NELFA: variants seen among roughly 807,000 people sequenced by gnomAD.
The protein encoded by NELFA is negative elongation factor A.
Under a neutral mutation model 51.8 loss-of-function variants are expected in NELFA, and 35 were observed. The ratio of observed to expected loss-of-function variants is 0.68; its 90% CI spans 0.52 to 0.90. The LOEUF (loss-of-function observed/expected upper bound fraction) is 0.90, where lower values mean the gene tolerates loss of function less well. NELFA is among the 40% of genes least tolerant of loss of function. NELFA has a pLI of 0.00. For missense variants in NELFA, 658 were observed against 746.4 expected (o/e 0.88, Z 1.38); for synonymous variants, 417 against 338.4 (o/e 1.23, Z -2.55).
chr4:1,994,680 C>T (rs1728374351), intron 1 of NELFA, among the ~76,000 whole-genome samples: 1 of 151,658 alleles, frequency 6.6e-6, no homozygotes, highest in African/African-American at 2.4e-5. Flanking sequence ...ACAGTGAAAC[C>T]CTGCCTCTAC....
At chr4:1,999,410 G>C (rs1438345013) in intron 1 of NELFA, among the ~76,000 whole-genome samples, 1 of 151,900 alleles carries the variant, frequency 6.6e-6, no homozygotes, top group African/African-American at 2.4e-5. Context: ...CATCTTACAC[G>C]CAAAGACACA....
chr4:1,989,959 C>T lies in NELFA; in HGVS notation c.383-90G>A. Reference sequence around the variant, plus strand: ...TGGCGGCTGCCCAGCCCCACACCCTCCTCAGTTAGGGTTAGGTCATGGGAG... The same window carrying T: ...TGGCGGCTGCCCAGCCCCACACCCTTCTCAGTTAGGGTTAGGTCATGGGAG... On this transcript the variant is annotated intron_variant, in intron 2 of 10. Transcript: ENST00000382882. The surrounding 1 kb of genome is among the most constrained non-coding windows in gnomAD (Gnocchi z 4.8). 1 of 1,486,296 alleles carries T rather than the reference C, an allele frequency of 6.7e-7. No homozygotes were observed. 92.1% of individuals were successfully genotyped at this position (1,486,296 alleles called of 1,614,324 possible).
rs1728667605 is a variant in NELFA at position 2,004,844 on chromosome 4, C to T, written c.210+3906G>A. Among the ~76,000 whole-genome samples, 6 of 137,514 alleles carry T rather than the reference C, an allele frequency of 4.4e-5. No individual in the cohort carries two copies. In the South Asian group the frequency reaches 1.4e-3, roughly 32 times the overall value. The allele number at this position is 137,514 out of a possible 152,430, so 90.2% of individuals were successfully genotyped here. On this transcript the variant is annotated intron_variant, in intron 1 of 10. Transcript: ENST00000382882. ...TTTTTTGGAGACAGAGTCTTGCTGT[C>T]GCCCAGGCTGGAGTGCAGTGGCGCG...
At chr4:1,987,642 C>T (rs1181771501) in intron 4 of NELFA, 6 of 454,464 alleles carry the variant, frequency 1.3e-5, no homozygotes, top group African/African-American at 6.9e-5. Flanking sequence ...CCATGCCCAG[C>T]GGTGTCCTCA....
chr4:1,993,586 A>AAG (rs1728340917), intron 1 of NELFA, among the ~76,000 whole-genome samples: 1 of 151,762 alleles, frequency 6.6e-6, no homozygotes. Context: ...CTCAAAAAAA[A>AAG]AAAAGAAAGA....
intron 1 of NELFA, among the ~76,000 whole-genome samples, chr4:2,002,874 T>C (rs1467315102): frequency 1.3e-5 from 2 of 152,052 alleles, no homozygotes; most frequent in East Asian, 3.9e-4. Flanking sequence ...AAAGCCAAAA[T>C]TGACAAATGG....
Position 2,008,743 on chromosome 4 carries a change from G to T in NELFA, c.210+7C>A. 6.2e-7 allele frequency: 1 copy of T among 1,603,272 alleles called. No homozygotes were observed. ...CTGGGGGCCGCGGGGCGCCACGCCTGCCTTACCTCGTCCACCGTGCGGCGC... is the reference window on the plus strand; with the variant it reads ...CTGGGGGCCGCGGGGCGCCACGCCTTCCTTACCTCGTCCACCGTGCGGCGC... On this transcript the variant is annotated splice_region_variant and intron_variant, in intron 1 of 10. Transcript: ENST00000382882.
At position 1,997,254 on chromosome 4, in the gene NELFA, C is replaced by G. The variant is rs570024942; in HGVS notation, c.211-5539G>C. On this transcript the variant is annotated intron_variant, in intron 1 of 10. Coordinates refer to ENST00000382882, the MANE Select transcript of NELFA (RefSeq NM_005663.5). ...AGAAATCACTCCATTAGTAAACAAACTTTCCAAAGAAAAAGAAAAGACCAG... is the reference window on the plus strand; with the variant it reads ...AGAAATCACTCCATTAGTAAACAAAGTTTCCAAAGAAAAAGAAAAGACCAG... 3.2e-4 allele frequency among the ~76,000 whole-genome samples: 49 copies of G among 152,284 alleles called. No individual in the cohort carries two copies. In the East Asian group the frequency reaches 5.0e-3, roughly 16 times the overall value.
intron 1 of NELFA, among the ~76,000 whole-genome samples, chr4:2,002,235 CACAA>C (rs1008669607): frequency 8.6e-5 from 13 of 152,020 alleles, no homozygotes; most frequent in African/African-American, 2.9e-4. Context: ...TAAGAGAGTA[CACAA>C]ACAAATGGAA....
chr4:2,001,893 ACT>A (rs1728575827), intron 1 of NELFA, among the ~76,000 whole-genome samples: 2 of 145,518 alleles, frequency 1.4e-5, no homozygotes, highest in South Asian at 4.4e-4. Context: ...ACAGAGCGAG[ACT>A]CTGTCTCAAA....
At chr4:2,007,197 AC>A in intron 1 of NELFA, 1 of 378,446 alleles carries the variant, frequency 2.6e-6, no homozygotes, top group Non-Finnish European at 5.5e-6. Context: ...ACAGCGCCAG[AC>A]CCTGTCTCAA....
chr4:2,008,361 C>T (rs1240684976), intron 1 of NELFA, among the ~76,000 whole-genome samples: 2 of 150,336 alleles, frequency 1.3e-5, no homozygotes, highest in African/African-American at 4.9e-5. Flanking sequence ...AGCGAGAACC[C>T]GGGGCCCGGC....
At chr4:2,002,069 G>A (rs540035972) in intron 1 of NELFA, among the ~76,000 whole-genome samples, 29 of 147,330 alleles carry the variant, frequency 2.0e-4, no homozygotes, top group South Asian at 4.4e-4. Flanking sequence ...GCATGGTGGC[G>A]GGCGCCTGTA....
rs139130172 is a variant in NELFA, at chr4:1,988,825, C to T, written c.545-818G>A. Reference sequence around the variant, plus strand: ...AAGGCAGCAACGTGAGAGTAAGGAACGTGCCCCTCCAGCCATTCACCCTGG... The same window carrying T: ...AAGGCAGCAACGTGAGAGTAAGGAATGTGCCCCTCCAGCCATTCACCCTGG... On this transcript the variant is annotated intron_variant, in intron 3 of 10. Coordinates refer to ENST00000382882, the MANE Select transcript of NELFA (RefSeq NM_005663.5). Among the ~76,000 whole-genome samples the T allele has an allele frequency of 9.5e-3, 1,452 of 152,310 alleles. 41 individuals are homozygous for T. Among genetic ancestry groups the T allele is most frequent in the Admixed American group, 0.047 (713 of 15,304 alleles).
At chr4:1,995,431 C>A (rs1183676245) in intron 1 of NELFA, among the ~76,000 whole-genome samples, 2 of 152,106 alleles carry the variant, frequency 1.3e-5, no homozygotes, top group African/African-American at 4.8e-5. Flanking sequence ...CCCTAAGATA[C>A]CAGACCCCTA....
At chr4:2,006,015 G>A (rs1370442405) in intron 1 of NELFA, among the ~76,000 whole-genome samples, 4 of 152,216 alleles carry the variant, frequency 2.6e-5, no homozygotes, top group South Asian at 2.1e-4. Flanking sequence ...ATGTGGAAGT[G>A]TGAAGGGACA....
intron 1 of NELFA, among the ~76,000 whole-genome samples, chr4:1,995,544 A>C (rs1362181081): frequency 6.6e-6 from 1 of 152,268 alleles, no homozygotes; most frequent in Non-Finnish European, 1.5e-5. Context: ...AATGACCCAG[A>C]ATGGCCTAGT....
intron 5 of NELFA, 29 bp from the exon 6 acceptor site, chr4:1,986,212 G>C (rs751930593): frequency 6.4e-7 from 1 of 1,560,980 alleles, no homozygotes; most frequent in South Asian, 1.2e-5. Flanking sequence ...CCCTGCCTTA[G>C]TGACGGCACC....
In NELFA at chr4:1,989,516, G is replaced by A. The variant is rs889122720; in HGVS notation, c.544+192C>T. 6.6e-6 allele frequency among the ~76,000 whole-genome samples: 1 copy of A among 151,966 alleles called. No individual in the cohort carries two copies. The highest frequency in any genetic ancestry group is 1.5e-5 in the Non-Finnish European group (1 of 68,002). On this transcript the variant is annotated intron_variant, in intron 3 of 10. Transcript: ENST00000382882. This position sits in a 1 kb window ranked among gnomAD's most constrained non-coding sequence, Gnocchi z 4.8. ...CTAATGTTTTGGTACTTTTGGTAGA[G>A]ATGGGGTTTCTTGGCTGGTCTCAAA... is the stretch of plus-strand genomic sequence containing the variant.
Sources: gnomAD v4.1 joint callset for allele counts (sites outside exome capture counted in the v4.1 genomes callset) on GRCh38, gnomAD v4.1.1 for gene constraint, Gnocchi (gnomAD v3.1) non-coding constraint, MANE v1.5 for transcripts, NCBI Gene and HGNC (gene_info 2026-07-23, HGNC 2026-07-21) for gene names.